REDIC1: variants seen among roughly 807,000 people sequenced by gnomAD.
REDIC1 encodes regulator of DNA class I crossover intermediates 1.
chr12:39,690,755 G>A, the REDIC1 span, among the ~76,000 whole-genome samples: 2 of 152,044 alleles, frequency 1.3e-5, no homozygotes, highest in African/African-American at 2.4e-5. Context: ...GCAATAAAAA[G>A]CCCATTCGGA....
the REDIC1 span, among the ~76,000 whole-genome samples, chr12:39,685,662 C>T: frequency 6.6e-6 from 1 of 152,150 alleles, no homozygotes; most frequent in South Asian, 2.1e-4. Context: ...TCATGTCCTT[C>T]CCATATTGCA....
the REDIC1 span, among the ~76,000 whole-genome samples, chr12:39,732,045 C>T: frequency 4.6e-5 from 7 of 152,234 alleles, no homozygotes; most frequent in South Asian, 1.0e-3. Flanking sequence ...CAAAAGTAAC[C>T]ATGATCTTGA....
At chr12:39,650,227 T>C in the REDIC1 span, 1 of 1,548,992 alleles carries the variant, frequency 6.5e-7, no homozygotes, top group Non-Finnish European at 8.7e-7. The surrounding 1 kb of genome is among the most constrained non-coding windows in gnomAD (Gnocchi z 4.3). Flanking sequence ...TTCTTCAAAT[T>C]TTTTTTTTCA....
At chr12:39,695,451 T>C in the REDIC1 span, among the ~76,000 whole-genome samples, 1 of 152,202 alleles carries the variant, frequency 6.6e-6, no homozygotes, top group African/African-American at 2.4e-5. Flanking sequence ...GGAACATCAC[T>C]GGTACGCTGG....
chr12:39,633,127 G>A, the REDIC1 span, among the ~76,000 whole-genome samples: 1 of 151,522 alleles, frequency 6.6e-6, no homozygotes, highest in South Asian at 2.1e-4. Context: ...TGTACACAAC[G>A]TGCAGGTTTG....
At chr12:39,884,333 A>G in the REDIC1 span, among the ~76,000 whole-genome samples, 6 of 152,258 alleles carry the variant, frequency 3.9e-5, no homozygotes, top group East Asian at 5.8e-4. Context: ...GAACTTACAC[A>G]TGTCTTCAGA....
chr12:39,680,667 A>G, the REDIC1 span, among the ~76,000 whole-genome samples: 1 of 152,130 alleles, frequency 6.6e-6, no homozygotes, highest in African/African-American at 2.4e-5. Flanking sequence ...TGAAAAAGAC[A>G]CTTGCATGTG....
chr12:39,863,301 A>T, the REDIC1 span, among the ~76,000 whole-genome samples: 11 of 152,166 alleles, frequency 7.2e-5, no homozygotes, highest in Non-Finnish European at 1.5e-4. Flanking sequence ...TTTTATTTAA[A>T]CTTTAAAGTC....
the REDIC1 span, chr12:39,721,130 A>G: frequency 8.1e-6 from 13 of 1,613,586 alleles, no homozygotes; most frequent in Admixed American, 1.7e-5. Flanking sequence ...GTTGCCATAC[A>G]GTGTGATCTA....
the REDIC1 span, among the ~76,000 whole-genome samples, chr12:39,790,604 T>C: frequency 9.1e-5 from 13 of 142,178 alleles, no homozygotes; most frequent in East Asian, 2.8e-3. Context: ...CACATTTTCT[T>C]AATCCAGTCT....
At chr12:39,844,893 C>T in the REDIC1 span, among the ~76,000 whole-genome samples, 19 of 151,946 alleles carry the variant, frequency 1.3e-4, no homozygotes, top group Non-Finnish European at 1.2e-4. Flanking sequence ...CAACAGAATA[C>T]GCTTTAGAAA....
the REDIC1 span, among the ~76,000 whole-genome samples, chr12:39,702,023 A>G: frequency 6.6e-6 from 1 of 152,156 alleles, no homozygotes; most frequent in Non-Finnish European, 1.5e-5. Flanking sequence ...CATCACAATT[A>G]AAAGAACTAG....
the REDIC1 span, among the ~76,000 whole-genome samples, chr12:39,676,523 A>T: frequency 6.6e-6 from 1 of 152,214 alleles, no homozygotes; most frequent in Non-Finnish European, 1.5e-5. Flanking sequence ...AAAGTTTGGA[A>T]AACTTATTTG....
the REDIC1 span, among the ~76,000 whole-genome samples, chr12:39,907,044 C>G: frequency 3.3e-5 from 5 of 151,988 alleles, no homozygotes; most frequent in Non-Finnish European, 7.4e-5. Context: ...GCAAATTAAC[C>G]CATAAATCAA....
At chr12:39,884,557 T>C in the REDIC1 span, among the ~76,000 whole-genome samples, 3 of 152,136 alleles carry the variant, frequency 2.0e-5, no homozygotes, top group African/African-American at 7.2e-5. Flanking sequence ...AAGATACACT[T>C]ATTCAGGACG....
the REDIC1 span, among the ~76,000 whole-genome samples, chr12:39,899,555 T>A: frequency 6.6e-6 from 1 of 152,182 alleles, no homozygotes; most frequent in African/African-American, 2.4e-5. Flanking sequence ...CTTTTCTAGT[T>A]CTTTCAATTG....
At chr12:39,712,068 A>ATATACATGTATT in the REDIC1 span, among the ~76,000 whole-genome samples, 2 of 34,316 alleles carry the variant, frequency 5.8e-5, no homozygotes, top group Non-Finnish European at 1.6e-4. Flanking sequence ...ATACATGTAT[A>ATATACATGTATT]TATACCGGTA....
the REDIC1 span, among the ~76,000 whole-genome samples, chr12:39,697,805 A>G: frequency 6.6e-6 from 1 of 152,056 alleles, no homozygotes; most frequent in Admixed American, 6.6e-5. Context: ...CACCAGAGAA[A>G]ATCAGCTTTA....
At chr12:39,795,594 A>G in the REDIC1 span, among the ~76,000 whole-genome samples, 6 of 152,080 alleles carry the variant, frequency 3.9e-5, no homozygotes, top group Admixed American at 1.3e-4. Context: ...ACTTTTATCT[A>G]TGGAATGATT....
Sources: gnomAD v4.1 joint callset for allele counts (sites outside exome capture counted in the v4.1 genomes callset) on GRCh38, gnomAD v4.1.1 for gene constraint, Gnocchi (gnomAD v3.1) non-coding constraint, MANE v1.5 for transcripts, NCBI Gene and HGNC (gene_info 2026-07-23, HGNC 2026-07-21) for gene names.